Variants in CHRNA3 observed in about 807,000 individuals in gnomAD.
CHRNA3 encodes the protein neuronal acetylcholine receptor subunit alpha-3.
A neutral mutation model predicts 41.9 loss-of-function variants in CHRNA3; 34 were observed. That is an observed-to-expected ratio of 0.81 (90% CI 0.62 to 1.08). CHRNA3 has a LOEUF of 1.08. Ranked by LOEUF, CHRNA3 falls within the 50% of genes least tolerant of loss-of-function variation. The pLI is 0.00. For missense variants in CHRNA3, 542 were observed against 638.3 expected, an observed-to-expected ratio of 0.85 and a Z score of 1.63; for synonymous variants, 281 against 265.2, an observed-to-expected ratio of 1.06 and a Z score of -0.58.
In CHRNA3 at chr15:78,596,182, A is replaced by G; in HGVS notation, c.*422T>C. The G allele has an allele frequency of 1.3e-5, 13 of 985,958 alleles. No homozygotes were observed. Among genetic ancestry groups the G allele is most frequent in the Non-Finnish European group, 1.6e-5 (13 of 830,306 alleles). 61.1% of individuals were successfully genotyped at this position (985,958 alleles called of 1,614,324 possible). A position where few individuals can be genotyped will look rare whatever the true frequency, so the allele number is the denominator to read the frequency against. On this transcript the variant is annotated 3_prime_UTR_variant, in exon 6 of 6. Coordinates refer to ENST00000326828, the MANE Select transcript of CHRNA3 (RefSeq NM_000743.5). ...ATGGGTAACGATGGGGGATTGCTGA[A>G]TTAGTATAAACCTTCAAAGAGATTA... is the stretch of plus-strand genomic sequence containing the variant.
At chr15:78,606,333 CAAAA>C (rs56305942) in intron 4 of CHRNA3, among the ~76,000 whole-genome samples, 3 of 127,380 alleles carry the variant, frequency 2.4e-5, no homozygotes, top group Admixed American at 8.1e-5. Flanking sequence ...GAAGATGTCT[CAAAA>C]AAAAAAAAAA....
intron 4 of CHRNA3, among the ~76,000 whole-genome samples, chr15:78,614,243 T>G (rs1160022498): frequency 6.6e-6 from 1 of 152,152 alleles, no homozygotes; most frequent in African/African-American, 2.4e-5. Flanking sequence ...AGATTAAACT[T>G]TTTGCTCATT....
At chr15:78,598,439 A>G (rs2053146231) in intron 5 of CHRNA3, among the ~76,000 whole-genome samples, 2 of 151,874 alleles carry the variant, frequency 1.3e-5, no homozygotes, top group African/African-American at 4.8e-5. Context: ...TTGTTGCTCA[A>G]GCTGGAGTGC....
chr15:78,609,796 G>A (rs2053354387), intron 4 of CHRNA3, among the ~76,000 whole-genome samples: 1 of 152,144 alleles, frequency 6.6e-6, no homozygotes, highest in Non-Finnish European at 1.5e-5. Context: ...ATTGGATAAA[G>A]AGTCAAGACC....
chr15:78,610,337 T>C (rs1227582503), intron 4 of CHRNA3, among the ~76,000 whole-genome samples: 4 of 152,140 alleles, frequency 2.6e-5, no homozygotes, highest in Non-Finnish European at 5.9e-5. Flanking sequence ...AAAGCACTCC[T>C]CAGCAAATGT....
At chr15:78,600,016 C>CAAAA (rs57005476) in intron 5 of CHRNA3, 1 of 131,798 alleles carries the variant, frequency 7.6e-6, no homozygotes, top group East Asian at 2.4e-4. Context: ...GACTCCATCT[C>CAAAA]AAAAAAAAAA....
chr15:78,596,942 C>G (rs997700349), intron 5 of CHRNA3, among the ~76,000 whole-genome samples: 6 of 152,138 alleles, frequency 3.9e-5, no homozygotes, highest in African/African-American at 1.4e-4. Context: ...TATAAAAGAT[C>G]TGTCATGTTA....
chr15:78,618,889 GGT>G lies in CHRNA3; in HGVS notation c.107_108del (p.His36ProfsTer4). 1 of 1,613,736 alleles carries G rather than the reference GGT, an allele frequency of 6.2e-7. No individual in the cohort carries two copies. The highest frequency in any genetic ancestry group is 1.1e-5 in the South Asian group (1 of 91,062). ...LPVARASEAEHRLFERLFEDY... is the reference protein window; with the variant it reads ...LPVARASEAEXRLFERLFEDY... ...TCTTCAAACAGCCGCTCAAATAGAC[GGT>G]GCTCAGCCTCTGAGGCCCTGGCCAC... On this transcript the variant is annotated frameshift_variant, in exon 2 of 6. Coordinates refer to ENST00000326828, the MANE Select transcript of CHRNA3 (RefSeq NM_000743.5). LOFTEE classifies it high-confidence loss of function.
At position 78,618,860 on chromosome 15, in the gene CHRNA3, G is replaced by A. The variant is rs151291064; in HGVS notation, c.138C>T (p.Tyr46=). 8 of 1,614,076 alleles carry A rather than the reference G, an allele frequency of 5.0e-6. No individual in the cohort carries two copies. Among genetic ancestry groups the A allele is most frequent in the Middle Eastern group, 1.7e-4 (1 of 6,036 alleles). Residue 46 remains tyrosine (Y), a synonymous_variant, in exon 2 of 6, where the codon TAC becomes TAT. Transcript: ENST00000326828. ...TGGCTACAGGCCGGATGATCTCATT[G>A]TAATCTTCAAACAGCCGCTCAAATA... ...HRLFERLFED[Y]NEIIRPVANV...
rs2053196598 is a variant in CHRNA3, at chr15:78,601,485, G to A, written c.1157C>T (p.Ala386Val). 1 of 1,614,160 alleles carries A rather than the reference G, an allele frequency of 6.2e-7. No individual in the cohort carries two copies. Among genetic ancestry groups the A allele is most frequent in the Non-Finnish European group, 8.5e-7 (1 of 1,180,026 alleles). Residue 386 changes from alanine (A) to valine (V), a missense_variant, in exon 5 of 6, where the codon GCA becomes GTA. Transcript: ENST00000326828. ...ELSNLNCFSR[A>V]ESKGCKEGYP... ...GCCCTCCTTGCAGCCTTTGGACTCT[G>A]CGCGGCTGAAGCAATTCAGATTTGA...
chr15:78,611,041 T>G (rs981956066), intron 4 of CHRNA3, among the ~76,000 whole-genome samples: 1 of 152,106 alleles, frequency 6.6e-6, no homozygotes, highest in African/African-American at 2.4e-5. Flanking sequence ...AATCTCTGAA[T>G]AGACCAATAA....
rs878959316 is a variant in CHRNA3 at position 78,618,800 on chromosome 15, C to T, written c.198G>A (p.Val66=). The change falls in exon 2 of 6, where the codon GTG becomes GTA. Residue 66 remains valine, a synonymous_variant. Coordinates refer to ENST00000326828, the MANE Select transcript of CHRNA3 (RefSeq NM_000743.5). ...VSDPVIIHFE[V]SMSQLVKVDE... is the part of the protein sequence containing the mutation. ...CCACCTTCACCAGCTGAGACATGGA[C>T]ACCTCGAAATGGATGATGACTGGGT... The T allele has an allele frequency of 5.6e-6, 9 of 1,614,026 alleles. No homozygotes were observed. The South Asian group carries it at 8.8e-5, about 16-fold the overall frequency.
intron 1 of CHRNA3, chr15:78,620,293 T>A: frequency 5.4e-6 from 1 of 185,012 alleles, no homozygotes; most frequent in South Asian, 1.0e-4. Context: ...TCTTCAGCCA[T>A]CTCCGTCAAA....
chr15:78,607,218 CAAA>C (rs34822304), intron 4 of CHRNA3, among the ~76,000 whole-genome samples: 91 of 111,232 alleles, frequency 8.2e-4, no homozygotes, highest in Admixed American at 1.7e-3. Context: ...ACTCTGTCTC[CAAA>C]AAAAAAAAAA....
At chr15:78,616,310 A>C (rs1179038847) in intron 4 of CHRNA3, among the ~76,000 whole-genome samples, 2 of 150,428 alleles carry the variant, frequency 1.3e-5, no homozygotes, top group African/African-American at 4.9e-5. Flanking sequence ...CCGAGATCCC[A>C]CCACTGCACT....
intron 4 of CHRNA3, among the ~76,000 whole-genome samples, chr15:78,606,900 A>G (rs2053297552): frequency 6.6e-6 from 1 of 151,920 alleles, no homozygotes; most frequent in African/African-American, 2.4e-5. Flanking sequence ...AAAACAAAAC[A>G]AAAAACACAC....
chr15:78,618,166 G>C (rs1426204891), intron 3 of CHRNA3, among the ~76,000 whole-genome samples: 1 of 152,202 alleles, frequency 6.6e-6, no homozygotes, highest in Non-Finnish European at 1.5e-5. Flanking sequence ...AGAACTGCTT[G>C]AACCCTGCTG....
At position 78,596,608 on chromosome 15, in the gene CHRNA3, G is replaced by C; in HGVS notation, c.1514C>G (p.Ala505Gly). Residue 505 changes from alanine (A) to glycine (G), a missense_variant, in exon 6 of 6, where the codon GCA (alanine) becomes GGA (glycine). Coordinates refer to ENST00000326828, the MANE Select transcript of CHRNA3 (RefSeq NM_000743.5). ...GGCAGGCACACAGCTTAGTGCTTAT[G>C]CATCTTCCCTGGCCATCAGGGGTTG... is the stretch of plus-strand genomic sequence containing the variant. ...FLQPLMARED[A>G] The C allele has an allele frequency of 6.2e-7, 1 of 1,601,432 alleles. No individual in the cohort carries two copies. Among genetic ancestry groups the C allele is most frequent in the Non-Finnish European group, 8.5e-7 (1 of 1,176,528 alleles).
intron 1 of CHRNA3, chr15:78,619,121 G>C (rs557506670): frequency 1.6e-6 from 1 of 606,658 alleles, no homozygotes; most frequent in African/African-American, 1.9e-5. Flanking sequence ...CTGGCCACAC[G>C]CATTCAGTGA....
Sources: allele counts gnomAD v4.1 joint callset (sites outside exome capture counted in the v4.1 genomes callset), GRCh38; gene constraint gnomAD v4.1.1; transcripts MANE v1.5; gene names NCBI Gene and HGNC (gene_info 2026-07-23, HGNC 2026-07-21).